Variants in BTBD8 observed in about 807,000 individuals in gnomAD.
The protein encoded by BTBD8 is BTB domain containing 8.
In BTBD8, 110 loss-of-function variants were observed where a neutral mutation model predicts 162.9. The ratio of observed to expected loss-of-function variants is 0.68; its 90% confidence interval spans 0.58 to 0.79. The LOEUF (loss-of-function observed/expected upper bound fraction) is 0.79. BTBD8 is among the 30% of genes least tolerant of loss of function. BTBD8 has a pLI of 0.00. For missense variants in BTBD8, 1,905 were observed against 2,085.4 expected, an observed-to-expected ratio of 0.91 and a Z score of 1.68; for synonymous variants, 667 against 716.1, an observed-to-expected ratio of 0.93 and a Z score of 1.10.
chr1:92,084,818 A>G (rs1408525308), intron 1 of BTBD8, among the ~76,000 whole-genome samples: 1 of 152,188 alleles, frequency 6.6e-6, no homozygotes, highest in African/African-American at 2.4e-5. Context: ...TGTAGGGTAC[A>G]GTTAAGCTCT....
chr1:92,167,529 T>C (rs1650416013), intron 10 of BTBD8, among the ~76,000 whole-genome samples: 1 of 152,282 alleles, frequency 6.6e-6, no homozygotes, highest in Non-Finnish European at 1.5e-5. Context: ...GAATAACTCC[T>C]ATTGTTTATT....
chr1:92,176,619 A>G (rs1650718160), intron 13 of BTBD8, among the ~76,000 whole-genome samples: 1 of 152,218 alleles, frequency 6.6e-6, no homozygotes, highest in Non-Finnish European at 1.5e-5. Context: ...TGCCTTTAAA[A>G]TAAACACTTA....
chr1:92,142,632 C>T (rs1237193354), intron 7 of BTBD8, among the ~76,000 whole-genome samples: 2 of 152,138 alleles, frequency 1.3e-5, no homozygotes, highest in Non-Finnish European at 2.9e-5. Context: ...TACACATGGT[C>T]CACAGCGAAG....
intron 4 of BTBD8, among the ~76,000 whole-genome samples, chr1:92,119,223 CTT>C (rs1360673766): frequency 2.0e-5 from 3 of 150,796 alleles, no homozygotes; most frequent in South Asian, 2.1e-4. Context: ...ACTTTTTACT[CTT>C]TTGTAATCAC....
intron 1 of BTBD8, among the ~76,000 whole-genome samples, chr1:92,082,546 G>T (rs9661440): frequency 0.078 from 11,907 of 152,152 alleles, 1,340 homozygotes; most frequent in African/African-American, 0.25. Flanking sequence ...GTAAAGATTG[G>T]GAAGGGAGAG....
chr1:92,106,758 G>T (rs1239374416), intron 3 of BTBD8, among the ~76,000 whole-genome samples: 1 of 144,036 alleles, frequency 6.9e-6, no homozygotes, highest in African/African-American at 2.6e-5. Flanking sequence ...ATTTAGGCAA[G>T]ATAGATAGTT....
chr1:92,087,131 TA>T (rs1172622239), intron 1 of BTBD8, among the ~76,000 whole-genome samples: 1 of 152,226 alleles, frequency 6.6e-6, no homozygotes, highest in Non-Finnish European at 1.5e-5. Context: ...TTGAAACTGA[TA>T]AAAATGGTTC....
chr1:92,123,579 CT>C (rs2101922822), intron 4 of BTBD8, among the ~76,000 whole-genome samples: 1 of 151,830 alleles, frequency 6.6e-6, no homozygotes, highest in South Asian at 2.1e-4. Flanking sequence ...TGTGTTTGAC[CT>C]TTTTTGATAC....
intron 9 of BTBD8, among the ~76,000 whole-genome samples, chr1:92,164,636 C>G (rs981661827): frequency 1.3e-5 from 2 of 149,076 alleles, no homozygotes; most frequent in Admixed American, 6.6e-5. Context: ...TGAGATCGCA[C>G]CACTGCACTC....
chr1:92,108,072 A>G (rs1348734451), intron 4 of BTBD8, 71 bp downstream of exon 4: 1 of 1,394,426 alleles, frequency 7.2e-7, no homozygotes, highest in South Asian at 1.2e-5. Context: ...GTCTCTTACC[A>G]GCACGGTGGT....
chr1:92,134,120 C>T (rs1308022272), intron 5 of BTBD8, among the ~76,000 whole-genome samples: 3 of 86,930 alleles, frequency 3.5e-5, no homozygotes, highest in African/African-American at 1.2e-4. Context: ...CCACAGCCAA[C>T]ACTTCTGTGA....
At chr1:92,153,343 A>G (rs1350614146) in intron 9 of BTBD8, among the ~76,000 whole-genome samples, 2 of 152,156 alleles carry the variant, frequency 1.3e-5, no homozygotes, top group African/African-American at 2.4e-5. Flanking sequence ...ATTACTTTCT[A>G]TATATTATTC....
intron 9 of BTBD8, among the ~76,000 whole-genome samples, chr1:92,163,729 GTGTT>G (rs1235195446): frequency 6.6e-6 from 1 of 152,064 alleles, no homozygotes; most frequent in East Asian, 1.9e-4. Flanking sequence ...TAAAATTTAA[GTGTT>G]TGGTCTGAAA....
At chr1:92,123,593 G>A (rs766073296) in intron 4 of BTBD8, among the ~76,000 whole-genome samples, 4 of 151,858 alleles carry the variant, frequency 2.6e-5, no homozygotes, top group Non-Finnish European at 4.4e-5. Flanking sequence ...TTTGATACTA[G>A]TGTAAATGGA....
At chr1:92,158,089 T>C (rs559253833) in intron 9 of BTBD8, among the ~76,000 whole-genome samples, 3 of 152,332 alleles carry the variant, frequency 2.0e-5, no homozygotes, top group Admixed American at 1.3e-4. Context: ...GTATGAAATA[T>C]CTTTTTTTAT....
At chr1:92,147,897 A>G in intron 9 of BTBD8, 111 bp downstream of exon 9, 1 of 921,464 alleles carries the variant, frequency 1.1e-6, no homozygotes, top group Non-Finnish European at 1.6e-6. Context: ...TAAAAGCAAG[A>G]GGCGTGAACC....
intron 9 of BTBD8, among the ~76,000 whole-genome samples, chr1:92,155,944 C>G (rs1314060218): frequency 2.0e-5 from 3 of 151,998 alleles, no homozygotes; most frequent in South Asian, 2.1e-4. Context: ...CCTGATTGTT[C>G]TGGTTAGGGC....
At chr1:92,107,040 C>T (rs1280093703) in intron 3 of BTBD8, among the ~76,000 whole-genome samples, 1 of 152,028 alleles carries the variant, frequency 6.6e-6, no homozygotes, top group Admixed American at 6.6e-5. Context: ...GTTCATGCCA[C>T]TGCACTCCAG....
At chr1:92,150,540 T>C (rs1004793554) in intron 9 of BTBD8, 2 of 152,250 alleles carry the variant, frequency 1.3e-5, no homozygotes, top group African/African-American at 4.8e-5. Context: ...CCATATACTT[T>C]ATGAATTTTT....
Sources: allele counts gnomAD v4.1 joint callset (sites outside exome capture counted in the v4.1 genomes callset), GRCh38; gene constraint gnomAD v4.1.1; transcripts MANE v1.5; gene names NCBI Gene and HGNC (gene_info 2026-07-23, HGNC 2026-07-21).